Variants in ZFYVE28 observed in about 807,000 individuals in gnomAD.
ZFYVE28 encodes zinc finger FYVE-type containing 28, also known as lateral signaling target protein 2 homolog.
A neutral mutation model predicts 82.1 loss-of-function variants in ZFYVE28; 40 were observed. That is an observed-to-expected ratio of 0.49 (90% confidence interval 0.38 to 0.63). ZFYVE28 has a LOEUF of 0.63. ZFYVE28 is among the 30% of genes least tolerant of loss of function. The pLI, the probability that ZFYVE28 is intolerant of heterozygous loss-of-function variation, is 0.00. For synonymous variants in ZFYVE28, 612 were observed against 546.1 expected, an observed-to-expected ratio of 1.12 and a Z score of -1.68; for missense variants, 1,321 against 1,242.1, an observed-to-expected ratio of 1.06 and a Z score of -0.96.
At chr4:2,375,653 G>A (rs975684120) in intron 1 of ZFYVE28, among the ~76,000 whole-genome samples, 1 of 42 alleles carries the variant, frequency 0.024, no homozygotes, top group African/African-American at 0.1. Context: ...CGTGGCGCCT[G>A]CCCTGGGGGC....
intron 2 of ZFYVE28, chr4:2,343,270 A>G (rs946480553): frequency 3.9e-5 from 6 of 152,182 alleles, no homozygotes; most frequent in African/African-American, 1.2e-4. Flanking sequence ...ATACTGCCAA[A>G]TGGCTTTCCA....
At position 2,341,214 on chromosome 4, in the gene ZFYVE28, G is replaced by C; in HGVS notation, c.318+264C>G. On this transcript the variant is annotated intron_variant, in intron 3 of 12. Coordinates refer to ENST00000290974, the MANE Select transcript of ZFYVE28 (RefSeq NM_020972.3). This position sits in a 1 kb window ranked among gnomAD's most constrained non-coding sequence, Gnocchi z 4.5. Reference sequence around the variant, plus strand: ...ACCACTTTTAGGTCCTGGCTGTCTGGGGGCCTGTGAACCTCATAAAAACCA... The same window carrying C: ...ACCACTTTTAGGTCCTGGCTGTCTGCGGGCCTGTGAACCTCATAAAAACCA... 1.8e-6 allele frequency: 1 copy of C among 545,612 alleles called. No individual in the cohort carries two copies. The highest frequency in any genetic ancestry group is 3.3e-6 in the Non-Finnish European group (1 of 305,848). The allele number at this position is 545,612 out of a possible 1,614,324, so 33.8% of individuals were successfully genotyped here. A position where few individuals can be genotyped will look rare whatever the true frequency, so the allele number is the denominator to read the frequency against.
chr4:2,409,365 G>C lies in ZFYVE28; in HGVS notation c.39+8920C>G, dbSNP rs1012504253. Among the ~76,000 whole-genome samples, 4 of 151,912 alleles carry C rather than the reference G, an allele frequency of 2.6e-5. No homozygotes were observed. The highest frequency in any genetic ancestry group is 4.4e-5 in the Non-Finnish European group (3 of 67,974). On this transcript the variant is annotated intron_variant, in intron 1 of 12. Coordinates refer to ENST00000290974, the MANE Select transcript of ZFYVE28 (RefSeq NM_020972.3). This position sits in a 1 kb window ranked among gnomAD's most constrained non-coding sequence, Gnocchi z 4.4. ...ATCTCGTCTCTCCCACAGCAGGCCT[G>C]GAAGGACCCCGCAAACAGCAGTGCT... is the stretch of plus-strand genomic sequence containing the variant.
At chr4:2,374,907 C>G (rs1727955933) in intron 1 of ZFYVE28, among the ~76,000 whole-genome samples, 1 of 152,188 alleles carries the variant, frequency 6.6e-6, no homozygotes, top group South Asian at 2.1e-4. Context: ...GGCTCAGCAG[C>G]ATGTGATGAC....
chr4:2,318,282 T>C (rs680750), intron 7 of ZFYVE28, among the ~76,000 whole-genome samples: 1 of 152,080 alleles, frequency 6.6e-6, no homozygotes, highest in Non-Finnish European at 1.5e-5. Flanking sequence ...TTTTGGCTGG[T>C]CGCAGTGGCT....
rs1722048829 is a variant in ZFYVE28, at chr4:2,337,608, G to A, written c.522-112C>T. The A allele has an allele frequency of 1.9e-5, 15 of 790,756 alleles. No homozygotes were observed. The South Asian group carries it at 2.0e-4, about 10-fold the overall frequency. 49.0% of individuals were successfully genotyped at this position (790,756 alleles called of 1,614,324 possible). A position where few individuals can be genotyped will look rare whatever the true frequency, so the allele number is the denominator to read the frequency against. Reference sequence around the variant, plus strand: ...CTGCAATGCTGGGCAAGGTGGGGGCGGGGGGCCTCACGCCTGTAATCCCAG... The same window carrying A: ...CTGCAATGCTGGGCAAGGTGGGGGCAGGGGGCCTCACGCCTGTAATCCCAG... On this transcript the variant is annotated intron_variant, in intron 4 of 12. Transcript: ENST00000290974.
rs1730866191 is a variant in ZFYVE28 at position 2,399,090 on chromosome 4, G to GATCCAGGGCACAAGCGTGGAGGTGAT, written c.39+19194_39+19195insATCACCTCCACGCTTGTGCCCTGGAT. Among the ~76,000 whole-genome samples the GATCCAGGGCACAAGCGTGGAGGTGAT allele has an allele frequency of 4.1e-5, 5 of 122,910 alleles. 1 individual carries two copies. The highest frequency in any genetic ancestry group is 1.5e-4 in the African/African-American group (4 of 27,210). The allele number at this position is 122,910 out of a possible 152,430, so 80.6% of individuals were successfully genotyped here. A position where few individuals can be genotyped will look rare whatever the true frequency, so the allele number is the denominator to read the frequency against. ...ATCCAGGGCACAAGCGTGAAGGTGA[G>GATCCAGGGCACAAGCGTGGAGGTGAT]ATCCAGGGCACAAGCTGGGGCAAGA... On this transcript the variant is annotated intron_variant, in intron 1 of 12. Transcript: ENST00000290974.
At chr4:2,414,475 C>G (rs1260115809) in intron 1 of ZFYVE28, among the ~76,000 whole-genome samples, 5 of 152,222 alleles carry the variant, frequency 3.3e-5, no homozygotes, top group Non-Finnish European at 5.9e-5. Flanking sequence ...GGAATGTTCT[C>G]CTACAAAGCG....
chr4:2,300,661 C>T lies in ZFYVE28; in HGVS notation c.2051+3628G>A, dbSNP rs1381607371. On this transcript the variant is annotated intron_variant, in intron 8 of 12. Coordinates refer to ENST00000290974, the MANE Select transcript of ZFYVE28 (RefSeq NM_020972.3). This position sits in a 1 kb window ranked among gnomAD's most constrained non-coding sequence, Gnocchi z 4.6. ...CCCTGTCCTTCCTCCTGGAGGCTGT[C>T]GTCTGCCTGGCCAGAAACACAGGCT... is the stretch of plus-strand genomic sequence containing the variant. Among the ~76,000 whole-genome samples, 3 of 152,002 alleles carry T rather than the reference C, an allele frequency of 2.0e-5. No homozygotes were observed. The highest frequency in any genetic ancestry group is 6.6e-5 in the Admixed American group (1 of 15,256).
chr4:2,348,730 G>A (rs1270105064), intron 2 of ZFYVE28, among the ~76,000 whole-genome samples: 1 of 152,202 alleles, frequency 6.6e-6, no homozygotes, highest in East Asian at 1.9e-4. Context: ...CACAAGGACT[G>A]TGAACCATGG....
rs748002051 is a variant in ZFYVE28 at position 2,353,978 on chromosome 4, G to A, written c.135C>T (p.Asp45=). The part of the protein sequence containing the change: ...AELDSLDGRK[D]PQRCTLLVSQ... ...TGACCAGCAGCGTGCACCGCTGGGG[G>A]TCCTTCCGCCCATCCAGGCTGTCCA... Residue 45 remains aspartate (D), a synonymous_variant, in exon 2 of 13, where the codon GAC becomes GAT. Transcript: ENST00000290974. The A allele has an allele frequency of 5.7e-6, 9 of 1,583,808 alleles. No individual in the cohort carries two copies. Among genetic ancestry groups the A allele is most frequent in the African/African-American group, 4.1e-5 (3 of 73,482 alleles).
At chr4:2,364,919 G>T in intron 1 of ZFYVE28, 4 of 985,334 alleles carry the variant, frequency 4.1e-6, no homozygotes, top group Non-Finnish European at 4.8e-6. Flanking sequence ...GACAGTGGAG[G>T]CGGGGGCGGG....
intron 7 of ZFYVE28, among the ~76,000 whole-genome samples, chr4:2,314,280 T>G (rs958045258): frequency 6.6e-6 from 1 of 152,264 alleles, no homozygotes; most frequent in Non-Finnish European, 1.5e-5. Flanking sequence ...CTTGTTCACG[T>G]ACTTGTGTCA....
At chr4:2,382,548 C>T (rs1728835286) in intron 1 of ZFYVE28, among the ~76,000 whole-genome samples, 2 of 152,154 alleles carry the variant, frequency 1.3e-5, no homozygotes, top group Non-Finnish European at 2.9e-5. Context: ...GGCCCTGTAA[C>T]CCCTTTGTTT....
chr4:2,314,243 G>A (rs1434484148), intron 7 of ZFYVE28, among the ~76,000 whole-genome samples: 1 of 152,172 alleles, frequency 6.6e-6, no homozygotes, highest in Non-Finnish European at 1.5e-5. Flanking sequence ...GTGTCTGCAT[G>A]GTTTATGTTG....
At chr4:2,401,184 C>A (rs1435017272) in intron 1 of ZFYVE28, among the ~76,000 whole-genome samples, 1 of 152,198 alleles carries the variant, frequency 6.6e-6, no homozygotes, top group East Asian at 1.9e-4. Flanking sequence ...AAGGGGGGCC[C>A]CGAAGGGGAT....
intron 1 of ZFYVE28, among the ~76,000 whole-genome samples, chr4:2,361,685 C>T (rs1726179806): frequency 6.6e-6 from 1 of 152,170 alleles, no homozygotes; most frequent in Non-Finnish European, 1.5e-5. Context: ...AAGACCACAT[C>T]GCTGGATGCC....
intron 1 of ZFYVE28, among the ~76,000 whole-genome samples, chr4:2,374,199 T>C (rs979832910): frequency 3.9e-5 from 6 of 152,064 alleles, no homozygotes; most frequent in East Asian, 1.9e-4. Context: ...GCAGCCAGAG[T>C]GCAAGTACAC....
intron 1 of ZFYVE28, among the ~76,000 whole-genome samples, chr4:2,358,723 A>G (rs1042950339): frequency 1.3e-5 from 2 of 151,770 alleles, no homozygotes; most frequent in Non-Finnish European, 2.9e-5. Flanking sequence ...CTGTGACCAC[A>G]CCCCCCAAAT....
Sources: gnomAD v4.1 joint callset for allele counts (sites outside exome capture counted in the v4.1 genomes callset) on GRCh38, gnomAD v4.1.1 for gene constraint, Gnocchi (gnomAD v3.1) non-coding constraint, MANE v1.5 for transcripts, NCBI Gene and HGNC (gene_info 2026-07-23, HGNC 2026-07-21) for gene names.